ADAMTS3: variants seen among roughly 807,000 people sequenced by gnomAD.
ADAMTS3 encodes the protein A disintegrin and metalloproteinase with thrombospondin motifs 3.
ADAMTS3 carries 73 observed loss-of-function variants against 129.0 expected under a neutral mutation model. The ratio of observed to expected loss-of-function variants is 0.57; its 90% confidence interval spans 0.47 to 0.69. The LOEUF (loss-of-function observed/expected upper bound fraction) is 0.69, where lower values mean the gene tolerates loss of function less well. ADAMTS3 is among the 30% of genes least tolerant of loss of function. The pLI, the probability that ADAMTS3 is intolerant of heterozygous loss-of-function variation, is 0.00. For synonymous variants in ADAMTS3, 477 were observed against 510.8 expected (o/e 0.93, Z 0.89); for missense variants, 1,457 against 1,514.5 (o/e 0.96, Z 0.63).
intron 4 of ADAMTS3, among the ~76,000 whole-genome samples, chr4:72,378,906 G>A (rs979112156): frequency 1.3e-5 from 2 of 152,102 alleles, no homozygotes; most frequent in Non-Finnish European, 2.9e-5. Flanking sequence ...TTCTCGAGTT[G>A]TTAAAATTCA....
intron 2 of ADAMTS3, among the ~76,000 whole-genome samples, chr4:72,555,840 T>C (rs1721750307): frequency 6.6e-6 from 1 of 151,472 alleles, no homozygotes; most frequent in South Asian, 2.1e-4. Context: ...ATATGGTTGT[T>C]TAAAGGTGTG....
chr4:72,318,436 C>T (rs1228969728), intron 10 of ADAMTS3, 136 bp downstream of exon 10: 3 of 862,610 alleles, frequency 3.5e-6, no homozygotes, highest in East Asian at 5.4e-5. Flanking sequence ...AGCTGTAGCA[C>T]ACAGCAACAC....
At chr4:72,554,482 C>A (rs914816257) in intron 2 of ADAMTS3, among the ~76,000 whole-genome samples, 1 of 152,148 alleles carries the variant, frequency 6.6e-6, no homozygotes, top group African/African-American at 2.4e-5. Context: ...ACTCTCTCTT[C>A]ATCCTTAATA....
At chr4:72,488,210 T>C (rs530531405) in intron 3 of ADAMTS3, among the ~76,000 whole-genome samples, 1 of 152,110 alleles carries the variant, frequency 6.6e-6, no homozygotes, top group African/African-American at 2.4e-5. Flanking sequence ...GTGTATTCAA[T>C]ATATTTAATA....
intron 2 of ADAMTS3, among the ~76,000 whole-genome samples, chr4:72,559,967 A>C (rs2109804142): frequency 6.6e-6 from 1 of 151,920 alleles, no homozygotes; most frequent in South Asian, 2.1e-4. Flanking sequence ...CAATAACCCA[A>C]ACAGCCTGGT....
chr4:72,427,850 T>C (rs1034943890), intron 3 of ADAMTS3, among the ~76,000 whole-genome samples: 5 of 152,030 alleles, frequency 3.3e-5, no homozygotes, highest in Admixed American at 6.6e-5. Context: ...ATGCCTATTG[T>C]AGATGTGCTG....
chr4:72,420,545 A>T (rs1722416414), intron 3 of ADAMTS3, among the ~76,000 whole-genome samples: 1 of 152,190 alleles, frequency 6.6e-6, no homozygotes, highest in Admixed American at 6.5e-5. Flanking sequence ...GTCCTCCGAC[A>T]CACTCGATCA....
intron 3 of ADAMTS3, among the ~76,000 whole-genome samples, chr4:72,472,384 C>G (rs948770790): frequency 1.3e-5 from 2 of 152,018 alleles, no homozygotes; most frequent in South Asian, 2.1e-4. Flanking sequence ...TAACAACATG[C>G]AAAGCAATTC....
intron 7 of ADAMTS3, 133 bp downstream of exon 7, chr4:72,320,581 A>G (rs1163867645): frequency 4.3e-6 from 4 of 927,590 alleles, no homozygotes; most frequent in Non-Finnish European, 6.4e-6. Flanking sequence ...CAAAAGAAAG[A>G]AAATGTATGC....
At chr4:72,470,032 G>A (rs1470832451) in intron 3 of ADAMTS3, among the ~76,000 whole-genome samples, 3 of 151,996 alleles carry the variant, frequency 2.0e-5, no homozygotes, top group Admixed American at 1.3e-4. Context: ...CCCAACCTCC[G>A]CATTGATCAA....
At chr4:72,539,381 G>GCCAA (rs1721261866) in intron 3 of ADAMTS3, among the ~76,000 whole-genome samples, 1 of 150,282 alleles carries the variant, frequency 6.7e-6, no homozygotes, top group Admixed American at 6.7e-5. Flanking sequence ...TATACAAGTG[G>GCCAA]CCAACAGGCA....
At chr4:72,376,622 A>C (rs1721139189) in intron 4 of ADAMTS3, among the ~76,000 whole-genome samples, 1 of 152,114 alleles carries the variant, frequency 6.6e-6, no homozygotes, top group Non-Finnish European at 1.5e-5. Context: ...TAATTTAATA[A>C]GCCTTTGTTG....
At chr4:72,455,870 C>CTG (rs1560522024) in intron 3 of ADAMTS3, among the ~76,000 whole-genome samples, 1 of 93,882 alleles carries the variant, frequency 1.1e-5, no homozygotes, top group African/African-American at 5.0e-5. Context: ...AGTATATACA[C>CTG]TGTATATACT....
chr4:72,304,107 C>T (rs1719025175), intron 16 of ADAMTS3, 27 bp from the exon 17 acceptor site: 1 of 1,604,056 alleles, frequency 6.2e-7, no homozygotes, highest in African/African-American at 1.3e-5. Flanking sequence ...GAGTAACCAG[C>T]ATACATTTTA....
At chr4:72,416,180 T>TATATATATACATATATGTATATAA (rs1345601360) in intron 3 of ADAMTS3, among the ~76,000 whole-genome samples, 1 of 148,470 alleles carries the variant, frequency 6.7e-6, no homozygotes, top group African/African-American at 2.4e-5. Flanking sequence ...TAAATATAAA[T>TATATATATACATATATGTATATAA]ATATATATTC....
intron 4 of ADAMTS3, among the ~76,000 whole-genome samples, chr4:72,369,836 C>A (rs1282337174): frequency 1.5e-4 from 23 of 151,478 alleles, no homozygotes; most frequent in Non-Finnish European, 3.4e-4. Context: ...AATTGTATAG[C>A]GTTTAACTGA....
intron 4 of ADAMTS3, among the ~76,000 whole-genome samples, chr4:72,407,933 T>C (rs1722090576): frequency 6.6e-6 from 1 of 152,166 alleles, no homozygotes; most frequent in South Asian, 2.1e-4. Flanking sequence ...CAATCATTCC[T>C]GAAACAAATG....
At chr4:72,390,634 T>C (rs1478611737) in intron 4 of ADAMTS3, among the ~76,000 whole-genome samples, 1 of 152,092 alleles carries the variant, frequency 6.6e-6, no homozygotes, top group Non-Finnish European at 1.5e-5. Context: ...GCAAAGCAAA[T>C]GTTATTATAC....
At chr4:72,384,775 T>C (rs2109883789) in intron 4 of ADAMTS3, among the ~76,000 whole-genome samples, 1 of 152,304 alleles carries the variant, frequency 6.6e-6, no homozygotes, top group South Asian at 2.1e-4. Flanking sequence ...TAAAATATTA[T>C]TTTCTATTCA....
Sources: gnomAD v4.1 joint callset for allele counts (sites outside exome capture counted in the v4.1 genomes callset) on GRCh38, gnomAD v4.1.1 for gene constraint, MANE v1.5 for transcripts, NCBI Gene and HGNC (gene_info 2026-07-23, HGNC 2026-07-21) for gene names.